The following NRP1 variants were observed in gnomAD, a reference collection of about 807,000 sequenced individuals.
NRP1 encodes neuropilin-1.
In NRP1, 35 loss-of-function variants were observed where a neutral mutation model predicts 106.7. The ratio of observed to expected loss-of-function variants is 0.33; its 90% CI spans 0.25 to 0.43. The LOEUF is 0.43. Among genes scored for constraint, NRP1 ranks in the 20% least tolerant of loss-of-function variants. The pLI is 1.00. For synonymous variants in NRP1, 437 were observed against 417.9 expected, an observed-to-expected ratio of 1.05 and a Z score of -0.56; for missense variants, 1,024 against 1,170.4, an observed-to-expected ratio of 0.87 and a Z score of 1.83.
At chr10:33,236,386 A>T (rs550701498) in intron 6 of NRP1, among the ~76,000 whole-genome samples, 2 of 152,390 alleles carry the variant, frequency 1.3e-5, no homozygotes, top group African/African-American at 4.8e-5. Context: ...ATAAAGAGTT[A>T]GCAAGCACGT....
At chr10:33,327,733 C>A (rs544319180) in intron 2 of NRP1, among the ~76,000 whole-genome samples, 1 of 152,110 alleles carries the variant, frequency 6.6e-6, no homozygotes, top group South Asian at 2.1e-4. Context: ...AAAGCCTTCA[C>A]AAAAGGAGGT....
At chr10:33,218,953 G>A (rs549122402) in intron 8 of NRP1, among the ~76,000 whole-genome samples, 1 of 152,112 alleles carries the variant, frequency 6.6e-6, no homozygotes, top group Non-Finnish European at 1.5e-5. Flanking sequence ...TGCTCTCCTG[G>A]ACCATCTAGT....
chr10:33,310,655 C>T (rs985366948), intron 2 of NRP1, among the ~76,000 whole-genome samples: 5 of 152,192 alleles, frequency 3.3e-5, no homozygotes, highest in African/African-American at 1.2e-4. Flanking sequence ...CTCTCAAATT[C>T]TATCACTGGT....
At position 33,221,713 on chromosome 10, in the gene NRP1, G is replaced by A. The variant is rs1422986840; in HGVS notation, c.1282+6C>T. The A allele has an allele frequency of 3.1e-6, 5 of 1,612,274 alleles. No individual in the cohort carries two copies. Among genetic ancestry groups the A allele is most frequent in the African/African-American group, 1.3e-5 (1 of 75,022 alleles). On this transcript the variant is annotated splice_donor_region_variant and intron_variant, in intron 8 of 16. Coordinates refer to ENST00000374867, the MANE Select transcript of NRP1 (RefSeq NM_003873.7). ...AAGATTCAGTCTTCAATCTTCCACA[G>A]CTTACCTGTTATCTTGCAACCGTAT... is the stretch of plus-strand genomic sequence containing the variant.
intron 11 of NRP1, chr10:33,201,747 T>C (rs950566353): frequency 6.6e-6 from 1 of 152,160 alleles, no homozygotes; most frequent in Non-Finnish European, 1.5e-5. Flanking sequence ...GAGACAGCTT[T>C]AGGAGGTGGG....
In NRP1 at chr10:33,254,140, T is replaced by C; in HGVS notation, c.869A>G (p.Gln290Arg). The C allele has an allele frequency of 1.9e-6, 3 of 1,613,856 alleles. No homozygotes were observed. Among genetic ancestry groups the C allele is most frequent in the Non-Finnish European group, 2.5e-6 (3 of 1,179,986 alleles). The change falls in exon 6 of 17, where the codon CAG becomes CGG. Residue 290 changes from glutamine (Q) to arginine (R), a missense_variant. Coordinates refer to ENST00000374867, the MANE Select transcript of NRP1 (RefSeq NM_003873.7). Reference sequence around the variant, plus strand: ...GCTATACTGGGAAGAAGCTGTGATCTGGTCAGAATGAATTTCTCCTGATTC... The same window carrying C: ...GCTATACTGGGAAGAAGCTGTGATCCGGTCAGAATGAATTTCTCCTGATTC... ...GMESGEIHSD[Q>R]ITASSQYSTN...
At chr10:33,192,179 A>C in intron 13 of NRP1, 102 bp downstream of exon 13, 2 of 1,290,238 alleles carry the variant, frequency 1.6e-6, no homozygotes, top group Admixed American at 4.5e-5. Flanking sequence ...AGTAATTCCT[A>C]CCCGCCCTAA....
intron 2 of NRP1, 89 bp from the exon 3 acceptor site, chr10:33,270,945 G>T (rs1163642465): frequency 2.5e-6 from 3 of 1,181,494 alleles, no homozygotes; most frequent in South Asian, 3.6e-5. Flanking sequence ...ATCCAGCATA[G>T]TGTGCCAGGA....
Position 33,264,469 on chromosome 10 carries a change from G to A in NRP1, c.431-596C>T, listed in dbSNP as rs543512925. ...GTGGGCCGGTAAAGTGTGGCTGTTA[G>A]TGAGGGCACGATAAACTGTGATTAC... On this transcript the variant is annotated intron_variant, in intron 3 of 16. Coordinates refer to ENST00000374867, the MANE Select transcript of NRP1 (RefSeq NM_003873.7). Among the ~76,000 whole-genome samples the A allele has an allele frequency of 2.6e-5, 4 of 152,322 alleles. No homozygotes were observed. The South Asian group carries it at 6.2e-4, about 24-fold the overall frequency.
intron 6 of NRP1, among the ~76,000 whole-genome samples, chr10:33,234,173 T>C (rs1328818997): frequency 6.6e-6 from 1 of 152,184 alleles, no homozygotes; most frequent in Non-Finnish European, 1.5e-5. Context: ...AGGCATTTTA[T>C]GAAGGGTTAA....
chr10:33,236,964 G>A (rs1415191925), intron 6 of NRP1, among the ~76,000 whole-genome samples: 1 of 152,116 alleles, frequency 6.6e-6, no homozygotes, highest in Non-Finnish European at 1.5e-5. Flanking sequence ...GCGCAATTAA[G>A]ACCTTTTTTT....
chr10:33,226,187 C>T lies in NRP1; in HGVS notation c.1084G>A (p.Val362Ile), dbSNP rs2132940632. The stretch of plus-strand genomic sequence containing the variant: ...ATCCAGTCTTCCCCGTTGGAGCTAA[C>T]GTCGATCTTGTAAGTCTTGACATAA... ...KYYVKTYKID[V>I]SSNGEDWITI... The change falls in exon 7 of 17, where the codon GTT (valine) becomes ATT (isoleucine). Residue 362 changes from valine to isoleucine, a missense_variant. Around this residue, in one of 5 missense-constraint regions of NRP1, gnomAD observed 562 missense variants for 620.3 expected, o/e 0.91. Transcript: ENST00000374867. 1.2e-5 allele frequency: 19 copies of T among 1,614,190 alleles called. No homozygotes were observed. Among genetic ancestry groups the T allele is most frequent in the East Asian group, 4.5e-5 (2 of 44,890 alleles).
chr10:33,305,300 A>G (rs567915807), intron 2 of NRP1, among the ~76,000 whole-genome samples: 3 of 152,330 alleles, frequency 2.0e-5, no homozygotes, highest in Admixed American at 6.5e-5. Flanking sequence ...ATAATAATTG[A>G]TGCATGTTGG....
intron 13 of NRP1, among the ~76,000 whole-genome samples, chr10:33,189,973 C>T (rs1836295732): frequency 6.6e-6 from 1 of 152,160 alleles, no homozygotes; most frequent in Non-Finnish European, 1.5e-5. Context: ...TCTTTCTAGT[C>T]GGAGCTGACC....
intron 4 of NRP1, among the ~76,000 whole-genome samples, chr10:33,260,985 CAAAAAAAAAAAA>C (rs35665366): frequency 1.2e-4 from 7 of 60,076 alleles, no homozygotes; most frequent in African/African-American, 4.5e-4. Flanking sequence ...TGCCATTGAC[CAAAAAAAAAAAA>C]AAAAAAAAAA....
At chr10:33,217,483 G>T (rs549486990) in intron 8 of NRP1, among the ~76,000 whole-genome samples, 23 of 152,078 alleles carry the variant, frequency 1.5e-4, no homozygotes, top group Non-Finnish European at 3.1e-4. Flanking sequence ...ATTAATTCAA[G>T]GTTTGAATGA....
At chr10:33,319,508 T>C (rs1266862944) in intron 2 of NRP1, among the ~76,000 whole-genome samples, 1 of 151,854 alleles carries the variant, frequency 6.6e-6, no homozygotes, top group Non-Finnish European at 1.5e-5. Flanking sequence ...AGCTTTGTTC[T>C]TTCCCTCCTC....
At chr10:33,197,732 T>C (rs1836889745) in intron 11 of NRP1, 23 bp from the exon 12 acceptor site, 1 of 1,503,978 alleles carries the variant, frequency 6.6e-7, no homozygotes, top group African/African-American at 1.4e-5. Flanking sequence ...AACAGGAACA[T>C]GCAAAAATAA....
At chr10:33,216,293 A>G (rs536826484) in intron 8 of NRP1, among the ~76,000 whole-genome samples, 2 of 151,006 alleles carry the variant, frequency 1.3e-5, no homozygotes, top group Non-Finnish European at 3.0e-5. Flanking sequence ...GCCTGCCACC[A>G]CGCCCGGCTT....
Sources: gnomAD v4.1 joint callset for allele counts (sites outside exome capture counted in the v4.1 genomes callset) on GRCh38, gnomAD v4.1.1 for gene constraint, gnomAD v4.1.1 regional missense constraint, MANE v1.5 for transcripts, NCBI Gene and HGNC (gene_info 2026-07-23, HGNC 2026-07-21) for gene names.